Variants in PEX26 observed in about 807,000 individuals in gnomAD.
The protein encoded by PEX26 is peroxisome assembly protein 26.
In PEX26, 18 loss-of-function variants were observed where a neutral mutation model predicts 31.4. That is an observed-to-expected ratio of 0.57 (90% CI 0.40 to 0.85). The LOEUF (loss-of-function observed/expected upper bound fraction) is 0.85, where lower values mean the gene tolerates loss of function less well. Among genes scored for constraint, PEX26 ranks in the 40% least tolerant of loss-of-function variants. The pLI is 0.00. For missense variants in PEX26, 377 were observed against 383.9 expected, an observed-to-expected ratio of 0.98 and a Z score of 0.15; for synonymous variants, 176 against 166.9, an observed-to-expected ratio of 1.05 and a Z score of -0.42.
Position 18,078,059 on chromosome 22 carries a change from A to G in PEX26, c.-318A>G, listed in dbSNP as rs62239019. The G allele has an allele frequency of 0.1, 54,306 of 533,968 alleles. 3,362 individuals carry two copies. Among genetic ancestry groups the G allele is most frequent in the Non-Finnish European group, 0.13 (35,632 of 278,770 alleles). 33.1% of individuals were successfully genotyped at this position (533,968 alleles called of 1,614,324 possible). ...TGCCGGGAGGCGAGGTGAGTCTTTG[A>G]TCGTAACCAGGAGCCCGGAGCTGAG... On this transcript the variant is annotated 5_prime_UTR_variant, in exon 1 of 5. Coordinates refer to ENST00000399744, the MANE Select transcript of PEX26 (RefSeq NM_001127649.3).
rs1926796699 is a variant in PEX26 at position 18,085,250 on chromosome 22, T to C, written c.806T>C (p.Phe269Ser). Reference sequence around the variant, plus strand: ...ATCCTCTGTCTCCTGGTGGTGAGATTTGATCCAGGTAAGAGGTGGAGACTC... The same window carrying C: ...ATCCTCTGTCTCCTGGTGGTGAGATCTGATCCAGGTAAGAGGTGGAGACTC... The part of the protein sequence containing the change: ...ALILCLLVVR[F>S]DPASPSSLHF... The change falls in exon 4 of 5, where the codon TTT (phenylalanine) becomes TCT (serine). Residue 269 changes from phenylalanine (F) to serine (S), a missense_variant. By Grantham distance (155) the Phe-to-Ser change is radical (BLOSUM62 -2). Coordinates refer to ENST00000399744, the MANE Select transcript of PEX26 (RefSeq NM_001127649.3). 1.9e-6 allele frequency: 3 copies of C among 1,614,114 alleles called. No homozygotes were observed. Among genetic ancestry groups the C allele is most frequent in the Non-Finnish European group, 2.5e-6 (3 of 1,179,992 alleles).
chr22:18,103,284 G>C lies in PEX26; in HGVS notation c.*15209G>C, dbSNP rs760437528. ...GGGTGACCATTGTTAACACTGTATT[G>C]GGTGTTTCAAAATAGACGGAATAAA... On this transcript the variant is annotated 3_prime_UTR_variant, in exon 5 of 5. Coordinates refer to ENST00000399744, the MANE Select transcript of PEX26 (RefSeq NM_001127649.3). 1 of 151,884 alleles carries C rather than the reference G, an allele frequency of 6.6e-6. No homozygotes were observed. Among genetic ancestry groups the C allele is most frequent in the Non-Finnish European group, 1.5e-5 (1 of 68,002 alleles). The allele number at this position is 151,884 out of a possible 1,614,324, so 9.4% of individuals were successfully genotyped here.
At position 18,085,141 on chromosome 22, in the gene PEX26, C is replaced by T. The variant is rs1488593497; in HGVS notation, c.697C>T (p.Pro233Ser). Residue 233 changes from proline to serine, a missense_variant, in exon 4 of 5, where the codon CCG becomes TCG. By Grantham distance (74) the Pro-to-Ser change is moderately conservative (BLOSUM62 -1). Coordinates refer to ENST00000399744, the MANE Select transcript of PEX26 (RefSeq NM_001127649.3). Reference sequence around the variant, plus strand: ...TGTCTCCCACAAGTTCCTGTCACTACCGATGTTGGTTCGCCAGCTTTGGGA... The same window carrying T: ...TGTCTCCCACAAGTTCCTGTCACTATCGATGTTGGTTCGCCAGCTTTGGGA... ...GSVSHKFLSL[P>S]MLVRQLWDSA... 3 of 1,614,146 alleles carry T rather than the reference C, an allele frequency of 1.9e-6. No individual in the cohort carries two copies. The highest frequency in any genetic ancestry group is 1.3e-5 in the African/African-American group (1 of 75,048).
chr22:18,081,279 C>CACACACACACACAT (rs1491085033), intron 2 of PEX26, among the ~76,000 whole-genome samples: 2 of 140,104 alleles, frequency 1.4e-5, no homozygotes, highest in South Asian at 4.4e-4. Context: ...CACACACACA[C>CACACACACACACAT]ATTATCCATT....
At chr22:18,084,315 G>A (rs1054356420) in intron 3 of PEX26, among the ~76,000 whole-genome samples, 5 of 144,332 alleles carry the variant, frequency 3.5e-5, no homozygotes, top group East Asian at 2.0e-4. Context: ...TGCGATCTCC[G>A]CTCACTGCAA....
chr22:18,079,303 T>A (rs1489401245), intron 1 of PEX26: 2 of 854,922 alleles, frequency 2.3e-6, no homozygotes, highest in Non-Finnish European at 2.8e-6. Flanking sequence ...TAGGCCACGC[T>A]AGGGAGGTGG....
chr22:18,090,603 C>T lies in PEX26; in HGVS notation c.*2528C>T, dbSNP rs1927053297. The T allele has an allele frequency of 1.3e-5, 2 of 152,334 alleles. No individual in the cohort carries two copies. The highest frequency in any genetic ancestry group is 4.8e-5 in the African/African-American group (2 of 41,456). The allele number at this position is 152,334 out of a possible 1,614,324, so 9.4% of individuals were successfully genotyped here. A position where few individuals can be genotyped will look rare whatever the true frequency, so the allele number is the denominator to read the frequency against. ...GAACTTCTTTGCTGCCCCTTCGAAG[C>T]TGGGGAGTGCTTGTTGCAGATGCAT... On this transcript the variant is annotated 3_prime_UTR_variant, in exon 5 of 5. Coordinates refer to ENST00000399744, the MANE Select transcript of PEX26 (RefSeq NM_001127649.3).
rs1168549577 is a variant in PEX26, at chr22:18,093,515, A to T, written c.*5440A>T. On this transcript the variant is annotated 3_prime_UTR_variant, in exon 5 of 5. Transcript: ENST00000399744. ...GAGGCGGAGCTTGCAGTGAGCCTAGATGGCGCCACTGCACTCCAGCCTGGG... is the reference window on the plus strand; with the variant it reads ...GAGGCGGAGCTTGCAGTGAGCCTAGTTGGCGCCACTGCACTCCAGCCTGGG... 6.6e-6 allele frequency: 1 copy of T among 151,378 alleles called. No individual in the cohort carries two copies. The highest frequency in any genetic ancestry group is 2.4e-5 in the African/African-American group (1 of 41,208). The allele number at this position is 151,378 out of a possible 1,614,324, so 9.4% of individuals were successfully genotyped here. A position where few individuals can be genotyped will look rare whatever the true frequency, so the allele number is the denominator to read the frequency against.
At position 18,083,379 on chromosome 22, in the gene PEX26, A is replaced by G. The variant is rs1408301195; in HGVS notation, c.372-58A>G. 3.2e-6 allele frequency: 5 copies of G among 1,552,016 alleles called. No individual in the cohort carries two copies. In the African/African-American group the frequency reaches 4.1e-5, roughly 13 times the overall value. ...GAAGCATAGTGGTCATGGGAAATGAACCAATCATTGAGCACTGACTCTTCT... is the reference window on the plus strand; with the variant it reads ...GAAGCATAGTGGTCATGGGAAATGAGCCAATCATTGAGCACTGACTCTTCT... On this transcript the variant is annotated intron_variant, in intron 2 of 4. Coordinates refer to ENST00000399744, the MANE Select transcript of PEX26 (RefSeq NM_001127649.3).
At position 18,101,687 on chromosome 22, in the gene PEX26, G is replaced by T; in HGVS notation, c.*13612G>T. ...ATGACTTGTGTCAAAACCCGATCCA[G>T]AGCAGCAGTGATGAAATCACCCTCT... On this transcript the variant is annotated 3_prime_UTR_variant, in exon 5 of 5. Transcript: ENST00000399744. 1 of 271,658 alleles carries T rather than the reference G, an allele frequency of 3.7e-6. No homozygotes were observed. The highest frequency in any genetic ancestry group is 5.9e-5 in the South Asian group (1 of 16,878). 16.8% of individuals were successfully genotyped at this position (271,658 alleles called of 1,614,324 possible).
At chr22:18,082,661 G>C (rs555156193) in intron 2 of PEX26, among the ~76,000 whole-genome samples, 2 of 152,230 alleles carry the variant, frequency 1.3e-5, no homozygotes, top group African/African-American at 4.8e-5. Context: ...TGTTCTTTTT[G>C]CTCACAACTG....
In PEX26 at chr22:18,100,192, CA is replaced by C. The variant is rs1170434889; in HGVS notation, c.*12118del. 6.6e-6 allele frequency: 1 copy of C among 152,204 alleles called. No homozygotes were observed. Among genetic ancestry groups the C allele is most frequent in the Non-Finnish European group, 1.5e-5 (1 of 68,074 alleles). The allele number at this position is 152,204 out of a possible 1,614,324, so 9.4% of individuals were successfully genotyped here. On this transcript the variant is annotated 3_prime_UTR_variant, in exon 5 of 5. Coordinates refer to ENST00000399744, the MANE Select transcript of PEX26 (RefSeq NM_001127649.3). ...CCAGGTTCAAGCAATTCTCCTGCCTCAGCCTCCTGAGTAGCTGGTATGACAG... is the reference window on the plus strand; with the variant it reads ...CCAGGTTCAAGCAATTCTCCTGCCTCGCCTCCTGAGTAGCTGGTATGACAG...
At chr22:18,084,080 C>T (rs1432204907) in intron 3 of PEX26, among the ~76,000 whole-genome samples, 1 of 152,204 alleles carries the variant, frequency 6.6e-6, no homozygotes, top group Non-Finnish European at 1.5e-5. Flanking sequence ...GGCCCCAATA[C>T]AGACACAGCT....
At position 18,090,103 on chromosome 22, in the gene PEX26, T is replaced by C. The variant is rs1390104877; in HGVS notation, c.*2028T>C. The C allele has an allele frequency of 6.6e-6, 1 of 152,190 alleles. No individual in the cohort carries two copies. The highest frequency in any genetic ancestry group is 1.5e-5 in the Non-Finnish European group (1 of 68,026). 9.4% of individuals were successfully genotyped at this position (152,190 alleles called of 1,614,324 possible). A position where few individuals can be genotyped will look rare whatever the true frequency, so the allele number is the denominator to read the frequency against. On this transcript the variant is annotated 3_prime_UTR_variant, in exon 5 of 5. Transcript: ENST00000399744. ...AAGTCTGTAGGAAGCAAATCTATAC[T>C]TTTTTATATGGGCTTTTAAGTAAAG... is the stretch of plus-strand genomic sequence containing the variant.
chr22:18,101,596 C>G lies in PEX26; in HGVS notation c.*13521C>G, dbSNP rs1219642993. 5.5e-6 allele frequency: 1 copy of G among 182,952 alleles called. No individual in the cohort carries two copies. The highest frequency in any genetic ancestry group is 6.2e-5 in the Admixed American group (1 of 16,126). The allele number at this position is 182,952 out of a possible 1,614,324, so 11.3% of individuals were successfully genotyped here. A position where few individuals can be genotyped will look rare whatever the true frequency, so the allele number is the denominator to read the frequency against. ...CCTAAGTATGACCACCTGTATGGAC[C>G]CTTCCCTAATGCCCAGGATCAAGAA... On this transcript the variant is annotated 3_prime_UTR_variant, in exon 5 of 5. Transcript: ENST00000399744.
intron 2 of PEX26, among the ~76,000 whole-genome samples, chr22:18,082,940 AT>A (rs901509081): frequency 5.9e-5 from 9 of 152,038 alleles, no homozygotes; most frequent in Non-Finnish European, 8.8e-5. Context: ...TAGGTATCTT[AT>A]TTTTTTGGTA....
At position 18,083,562 on chromosome 22, in the gene PEX26, G is replaced by C; in HGVS notation, c.497G>C (p.Arg166Pro). The change falls in exon 3 of 5, where the codon CGG becomes CCG. Residue 166 changes from arginine to proline, a missense_variant. Transcript: ENST00000399744. ...GCCTTGGCAGAATTTCACGTGCAGC[G>C]GGTGCTGCTGCCTCTGGGCTGCTTA... The part of the protein sequence containing the change: ...YGALAEFHVQ[R>P]VLLPLGCLSE... 3 of 1,614,048 alleles carry C rather than the reference G, an allele frequency of 1.9e-6. No homozygotes were observed. Among genetic ancestry groups the C allele is most frequent in the Non-Finnish European group, 1.7e-6 (2 of 1,179,934 alleles).
At chr22:18,084,327 C>T (rs1475584377) in intron 3 of PEX26, among the ~76,000 whole-genome samples, 1 of 149,398 alleles carries the variant, frequency 6.7e-6, no homozygotes, top group Non-Finnish European at 1.5e-5. Context: ...TCACTGCAAG[C>T]TGCACCTCTC....
rs1927117454 is a variant in PEX26 at position 18,092,004 on chromosome 22, G to C, written c.*3929G>C. ...CTGCTATCCACTTAAAGCAGCCCAAGGAACTGTCAGAAAGCGAAAGTGATG... is the reference window on the plus strand; with the variant it reads ...CTGCTATCCACTTAAAGCAGCCCAACGAACTGTCAGAAAGCGAAAGTGATG... On this transcript the variant is annotated 3_prime_UTR_variant, in exon 5 of 5. Transcript: ENST00000399744. The C allele has an allele frequency of 6.6e-6, 1 of 152,260 alleles. No homozygotes were observed. Among genetic ancestry groups the C allele is most frequent in the Admixed American group, 6.5e-5 (1 of 15,280 alleles). The allele number at this position is 152,260 out of a possible 1,614,324, so 9.4% of individuals were successfully genotyped here. A position where few individuals can be genotyped will look rare whatever the true frequency, so the allele number is the denominator to read the frequency against.
Sources: gnomAD v4.1 joint callset for allele counts (sites outside exome capture counted in the v4.1 genomes callset) on GRCh38, gnomAD v4.1.1 for gene constraint, MANE v1.5 for transcripts, NCBI Gene and HGNC (gene_info 2026-07-23, HGNC 2026-07-21) for gene names.